Variants in EPHA6 observed in about 807,000 individuals in gnomAD.
The protein encoded by EPHA6 is EPH receptor A6.
EPHA6 carries 50 observed loss-of-function variants against 112.0 expected under a neutral mutation model. The observed-to-expected ratio is 0.45, with a 90% CI of 0.36 to 0.56. The LOEUF (loss-of-function observed/expected upper bound fraction) is 0.56, where lower values mean the gene tolerates loss of function less well. Among genes scored for constraint, EPHA6 ranks in the 20% least tolerant of loss-of-function variants. The pLI is 0.00. For synonymous variants in EPHA6, 529 were observed against 490.7 expected (o/e 1.08, Z -1.03); for missense variants, 1,280 against 1,417.4 (o/e 0.90, Z 1.56).
chr3:97,570,599 A>C (rs1234016431), intron 11 of EPHA6, among the ~76,000 whole-genome samples: 5 of 151,982 alleles, frequency 3.3e-5, no homozygotes, highest in Non-Finnish European at 5.9e-5. Flanking sequence ...GCATGGTGGC[A>C]GGCACCTGTA....
rs371287780 is a variant in EPHA6 at position 97,368,165 on chromosome 3, T to A, written c.1607-36985T>A. Among the ~76,000 whole-genome samples the A allele has an allele frequency of 1.7e-4, 26 of 152,298 alleles. 1 individual carries two copies. The East Asian group carries it at 5.0e-3, about 29-fold the overall frequency. On this transcript the variant is annotated intron_variant, in intron 5 of 17. Transcript: ENST00000389672. The stretch of plus-strand genomic sequence containing the variant: ...AAAGAATTGAATGCCAGAAACTATC[T>A]TTTGTTCTGAGACAAATGTCAGTTA...
intron 2 of EPHA6, among the ~76,000 whole-genome samples, chr3:96,940,656 T>G (rs1222860241): frequency 6.6e-6 from 1 of 152,218 alleles, no homozygotes; most frequent in Admixed American, 6.5e-5. Context: ...GTTAGCTGGT[T>G]ATTTTGTTCG....
chr3:97,194,225 T>C (rs760823909), intron 3 of EPHA6, among the ~76,000 whole-genome samples: 5 of 151,954 alleles, frequency 3.3e-5, no homozygotes, highest in Admixed American at 6.6e-5. Context: ...TCTATCTTAG[T>C]AGTGAGTTCA....
intron 2 of EPHA6, among the ~76,000 whole-genome samples, chr3:96,982,710 A>T (rs1437990819): frequency 6.6e-6 from 1 of 151,478 alleles, no homozygotes; most frequent in Non-Finnish European, 1.5e-5. Flanking sequence ...TAGATCTCAA[A>T]GGACTTGCTT....
chr3:97,544,158 C>A (rs1404463365), intron 11 of EPHA6, among the ~76,000 whole-genome samples: 5 of 152,160 alleles, frequency 3.3e-5, no homozygotes, highest in Non-Finnish European at 7.3e-5. Context: ...GAAGGCATCC[C>A]TGTCTTGTGC....
intron 14 of EPHA6, among the ~76,000 whole-genome samples, chr3:97,698,220 T>A (rs2033160671): frequency 6.6e-6 from 1 of 152,200 alleles, no homozygotes; most frequent in Non-Finnish European, 1.5e-5. Flanking sequence ...CAGGCTGGTC[T>A]GGAACTCCTG....
chr3:96,951,550 GTATCT>G (rs895558367), intron 2 of EPHA6, among the ~76,000 whole-genome samples: 2 of 151,922 alleles, frequency 1.3e-5, no homozygotes, highest in Non-Finnish European at 2.9e-5. Context: ...TGGTTTACTA[GTATCT>G]TATTTTATAG....
At chr3:97,258,409 A>G (rs2079389351) in intron 5 of EPHA6, among the ~76,000 whole-genome samples, 1 of 152,044 alleles carries the variant, frequency 6.6e-6, no homozygotes, top group Non-Finnish European at 1.5e-5. Context: ...AACAATAAGC[A>G]TTCTGTTTAT....
chr3:97,704,056 T>C (rs2033544873), intron 14 of EPHA6, among the ~76,000 whole-genome samples: 2 of 152,094 alleles, frequency 1.3e-5, no homozygotes, highest in Non-Finnish European at 2.9e-5. Context: ...AACATATGAA[T>C]TAAATAGGAA....
At chr3:97,231,750 T>C (rs1488123704) in intron 4 of EPHA6, among the ~76,000 whole-genome samples, 1 of 152,200 alleles carries the variant, frequency 6.6e-6, no homozygotes, top group Non-Finnish European at 1.5e-5. Flanking sequence ...AGTGTTATTA[T>C]GCAGATAAAG....
chr3:97,371,831 G>T (rs531375028), intron 5 of EPHA6, among the ~76,000 whole-genome samples: 1 of 152,054 alleles, frequency 6.6e-6, no homozygotes, highest in Admixed American at 6.6e-5. Context: ...GCTGCTCTGG[G>T]GACGTCTGTC....
chr3:97,276,578 A>G (rs926327111), intron 5 of EPHA6, among the ~76,000 whole-genome samples: 10 of 151,812 alleles, frequency 6.6e-5, no homozygotes, highest in African/African-American at 9.7e-5. Context: ...CTTTTTTTCT[A>G]TTATTGTACA....
intron 3 of EPHA6, among the ~76,000 whole-genome samples, chr3:97,203,953 T>C (rs1471050442): frequency 6.6e-6 from 1 of 152,078 alleles, no homozygotes; most frequent in Non-Finnish European, 1.5e-5. Context: ...CTGCACATTG[T>C]GCACATGTAC....
intron 2 of EPHA6, among the ~76,000 whole-genome samples, chr3:96,979,953 C>G (rs2042692687): frequency 1.3e-5 from 2 of 152,118 alleles, no homozygotes; most frequent in African/African-American, 4.8e-5. Context: ...TGATATTAGC[C>G]CTTTGTCAGA....
At chr3:96,892,073 A>C (rs2107543168) in intron 2 of EPHA6, among the ~76,000 whole-genome samples, 1 of 152,328 alleles carries the variant, frequency 6.6e-6, no homozygotes, top group Middle Eastern at 3.4e-3. Context: ...TTTCTTTAAA[A>C]GCTTGGTAGG....
At chr3:97,691,266 G>T (rs2032647768) in intron 14 of EPHA6, among the ~76,000 whole-genome samples, 1 of 152,104 alleles carries the variant, frequency 6.6e-6, no homozygotes, top group Non-Finnish European at 1.5e-5. Context: ...TATCCATTTA[G>T]TTTTAGACTC....
intron 10 of EPHA6, among the ~76,000 whole-genome samples, chr3:97,510,892 A>G (rs1358644613): frequency 6.6e-6 from 1 of 152,188 alleles, no homozygotes; most frequent in Non-Finnish European, 1.5e-5. Context: ...CTGCCCAGAG[A>G]AGAGGAATCT....
intron 5 of EPHA6, among the ~76,000 whole-genome samples, chr3:97,388,722 G>A (rs2086222135): frequency 6.6e-6 from 1 of 152,092 alleles, no homozygotes; most frequent in South Asian, 2.1e-4. Context: ...CTGCTTTCAG[G>A]CAGATAAAGG....
At chr3:97,419,217 C>T (rs1271389495) in intron 6 of EPHA6, among the ~76,000 whole-genome samples, 2 of 152,062 alleles carry the variant, frequency 1.3e-5, no homozygotes, top group Admixed American at 6.6e-5. Context: ...GCAGGAGAAT[C>T]GCCTGAACCC....
Sources: allele counts gnomAD v4.1 joint callset (sites outside exome capture counted in the v4.1 genomes callset), GRCh38; gene constraint gnomAD v4.1.1; transcripts MANE v1.5; gene names NCBI Gene and HGNC (gene_info 2026-07-23, HGNC 2026-07-21).